NDRG3: variants seen among roughly 807,000 people sequenced by gnomAD.
NDRG3 encodes the protein protein NDRG3.
NDRG3 carries 23 observed loss-of-function variants against 57.2 expected under a neutral mutation model. The observed-to-expected ratio is 0.40, with a 90% CI of 0.29 to 0.57. The LOEUF is 0.57. NDRG3 is among the 20% of genes least tolerant of loss of function. The pLI, the probability that NDRG3 is intolerant of heterozygous loss-of-function variation, is 0.42. For missense variants in NDRG3, 384 were observed against 457.3 expected (o/e 0.84, Z 1.46); for synonymous variants, 132 against 162.6 (o/e 0.81, Z 1.43).
At chr20:36,692,547 AG>A (rs1188662978) in intron 3 of NDRG3, among the ~76,000 whole-genome samples, 1 of 152,162 alleles carries the variant, frequency 6.6e-6, no homozygotes, top group Non-Finnish European at 1.5e-5. Context: ...ACTGTTGGTA[AG>A]GCATATAAAC....
intron 3 of NDRG3, among the ~76,000 whole-genome samples, chr20:36,693,905 TCATCCCAAAAC>T (rs573141188): frequency 2.6e-4 from 40 of 152,136 alleles, no homozygotes; most frequent in African/African-American, 8.9e-4. Flanking sequence ...TGTGCTTGAA[TCATCCCAAAAC>T]CATCCCAAAT....
In NDRG3 at chr20:36,682,537, T is replaced by G; in HGVS notation, c.425A>C (p.Tyr142Ser). The change falls in exon 7 of 16, where the codon TAC (tyrosine) becomes TCC (serine). Residue 142 changes from tyrosine (Y) to serine (S), a missense_variant. Coordinates refer to ENST00000349004, the MANE Select transcript of NDRG3 (RefSeq NM_032013.4). Reference protein sequence around the residue: ...IIGIGVGAGAYILSRFALNHP... With the variant: ...IIGIGVGAGASILSRFALNHP... The stretch of plus-strand genomic sequence containing the variant: ...ACTTACTGCAAATCTGCTGAGGATG[T>G]AAGCTCCAGCTCCAACTCCAATTCC... The G allele has an allele frequency of 6.2e-7, 1 of 1,614,058 alleles. No homozygotes were observed. The highest frequency in any genetic ancestry group is 1.1e-5 in the South Asian group (1 of 91,062).
chr20:36,716,181 C>T (rs1185928547), intron 2 of NDRG3, among the ~76,000 whole-genome samples: 1 of 152,096 alleles, frequency 6.6e-6, no homozygotes, highest in Non-Finnish European at 1.5e-5. Context: ...ACCCTCCTCC[C>T]TCCTCTGCTT....
chr20:36,721,565 C>A (rs564245710), intron 2 of NDRG3, 114 bp downstream of exon 2: 6 of 638,840 alleles, frequency 9.4e-6, no homozygotes, highest in African/African-American at 5.6e-5. Flanking sequence ...GTATTCCTTT[C>A]ATTGAAAGTC....
intron 5 of NDRG3, 146 bp from the exon 6 acceptor site, chr20:36,684,621 G>A (rs1336238832): frequency 6.0e-6 from 4 of 669,056 alleles, no homozygotes; most frequent in African/African-American, 5.4e-5. Flanking sequence ...ACACCGAGGT[G>A]GGCAGATCAC....
At chr20:36,735,990 A>G (rs1985590290) in intron 1 of NDRG3, among the ~76,000 whole-genome samples, 2 of 151,666 alleles carry the variant, frequency 1.3e-5, no homozygotes, top group South Asian at 4.2e-4. Flanking sequence ...AAAAAAAAAA[A>G]AAAGACAATA....
chr20:36,741,522 C>A (rs1331242673), intron 1 of NDRG3, among the ~76,000 whole-genome samples: 1 of 152,000 alleles, frequency 6.6e-6, no homozygotes, highest in Non-Finnish European at 1.5e-5. Flanking sequence ...GCATTATGTG[C>A]ACAATGCAAA....
chr20:36,659,801 A>T (rs1412508952), intron 13 of NDRG3, among the ~76,000 whole-genome samples: 2 of 151,396 alleles, frequency 1.3e-5, no homozygotes, highest in African/African-American at 4.8e-5. Flanking sequence ...GGGTTTCACC[A>T]TATTGGCTAG....
chr20:36,728,491 T>C (rs1985080628), intron 1 of NDRG3, among the ~76,000 whole-genome samples: 1 of 152,176 alleles, frequency 6.6e-6, no homozygotes, highest in African/African-American at 2.4e-5. Flanking sequence ...GATAGATAGA[T>C]GGATGGATGG....
In NDRG3 at chr20:36,684,465, G is replaced by C. The variant is rs772472306; in HGVS notation, c.331C>G (p.Pro111Ala). 2.5e-6 allele frequency: 4 copies of C among 1,613,826 alleles called. No homozygotes were observed. Among genetic ancestry groups the C allele is most frequent in the Non-Finnish European group, 3.4e-6 (4 of 1,179,756 alleles). ...APSFPTGYQY[P>A]TMDELAEMLP... The stretch of plus-strand genomic sequence containing the variant: ...ATTTCAGCCAGCTCATCCATTGTGG[G>C]GTACTGATACCTGCAATCCAGAAGG... The change falls in exon 6 of 16, where the codon CCC becomes GCC. Residue 111 changes from proline (P) to alanine (A), a missense_variant. Pro to Ala is a conservative substitution (Grantham distance 27). Coordinates refer to ENST00000349004, the MANE Select transcript of NDRG3 (RefSeq NM_032013.4).
chr20:36,654,430 T>C (rs1600844967), intron 15 of NDRG3, among the ~76,000 whole-genome samples: 1 of 152,288 alleles, frequency 6.6e-6, no homozygotes, highest in East Asian at 1.9e-4. Flanking sequence ...AAAGGTGCTA[T>C]CATCTGCAGA....
chr20:36,665,012 C>T (rs1228591943), intron 12 of NDRG3, 34 bp downstream of exon 12: 4 of 1,604,660 alleles, frequency 2.5e-6, no homozygotes, highest in Admixed American at 1.7e-5. Flanking sequence ...ACATTTTGAT[C>T]TCATTCATCT....
At chr20:36,734,623 C>T (rs2148223111) in intron 1 of NDRG3, among the ~76,000 whole-genome samples, 1 of 152,204 alleles carries the variant, frequency 6.6e-6, no homozygotes, top group South Asian at 2.1e-4. Context: ...ATGAACTGGA[C>T]AAACTCAAAG....
At chr20:36,659,061 G>A (rs1465519488) in intron 13 of NDRG3, among the ~76,000 whole-genome samples, 4 of 150,192 alleles carry the variant, frequency 2.7e-5, no homozygotes, top group African/African-American at 9.8e-5. Flanking sequence ...GAATCCTCTC[G>A]CCTCAGCTTC....
At chr20:36,710,334 A>C (rs1197328298) in intron 2 of NDRG3, among the ~76,000 whole-genome samples, 6 of 152,152 alleles carry the variant, frequency 3.9e-5, no homozygotes, top group Middle Eastern at 3.4e-3. Flanking sequence ...TAAATAAATA[A>C]ACAAATAAAA....
At chr20:36,703,169 T>C (rs1206789237) in intron 3 of NDRG3, among the ~76,000 whole-genome samples, 2 of 152,132 alleles carry the variant, frequency 1.3e-5, no homozygotes, top group Non-Finnish European at 2.9e-5. Flanking sequence ...CAATATATCA[T>C]ATACACATAT....
chr20:36,689,774 G>A (rs954949295), intron 3 of NDRG3, among the ~76,000 whole-genome samples: 7 of 148,004 alleles, frequency 4.7e-5, no homozygotes, highest in African/African-American at 1.7e-4. Flanking sequence ...AGGCTGGAGT[G>A]CAGTGGCGCG....
At chr20:36,731,809 CAAAA>C (rs78030577) in intron 1 of NDRG3, among the ~76,000 whole-genome samples, 1 of 127,078 alleles carries the variant, frequency 7.9e-6, no homozygotes. Flanking sequence ...GACTCCATCT[CAAAA>C]AAAAAAAAAG....
chr20:36,730,179 A>G (rs982307601), intron 1 of NDRG3, among the ~76,000 whole-genome samples: 25 of 151,138 alleles, frequency 1.7e-4, no homozygotes, highest in Non-Finnish European at 3.4e-4. Context: ...CCTGGGAGGC[A>G]GAGGTTGCAG....
Sources: allele counts gnomAD v4.1 joint callset (sites outside exome capture counted in the v4.1 genomes callset), GRCh38; gene constraint gnomAD v4.1.1; transcripts MANE v1.5; gene names NCBI Gene and HGNC (gene_info 2026-07-23, HGNC 2026-07-21).